SGCZ: variants seen among roughly 807,000 people sequenced by gnomAD.
The protein encoded by SGCZ is zeta-sarcoglycan.
In SGCZ, 40 loss-of-function variants were observed where a neutral mutation model predicts 41.3. That is an observed-to-expected ratio of 0.97 (90% CI 0.75 to 1.26). The LOEUF is 1.26. SGCZ is among the 50% of genes most tolerant of loss of function. The pLI, the probability that SGCZ is intolerant of heterozygous loss-of-function variation, is 0.00. For missense variants in SGCZ, 552 were observed against 369.8 expected, an observed-to-expected ratio of 1.49 and a Z score of -4.04; for synonymous variants, 206 against 137.5, an observed-to-expected ratio of 1.50 and a Z score of -3.49.
chr8:14,849,846 ACTCCAAGTACT>A (rs1803254164), intron 1 of SGCZ, among the ~76,000 whole-genome samples: 2 of 152,150 alleles, frequency 1.3e-5, no homozygotes, highest in African/African-American at 4.8e-5. Context: ...AAATTATAGC[ACTCCAAGTACT>A]ATCTACGATA....
At chr8:14,812,894 A>C (rs1476433063) in intron 1 of SGCZ, among the ~76,000 whole-genome samples, 1 of 151,760 alleles carries the variant, frequency 6.6e-6, no homozygotes, top group African/African-American at 2.4e-5. Context: ...TGCTGAGAAA[A>C]CTCTTCCTTT....
At chr8:14,346,188 C>G (rs1217455170) in intron 2 of SGCZ, among the ~76,000 whole-genome samples, 1 of 152,014 alleles carries the variant, frequency 6.6e-6, no homozygotes, top group East Asian at 1.9e-4. Context: ...ATAGGAGAAA[C>G]TGGGGTTGTG....
intron 1 of SGCZ, among the ~76,000 whole-genome samples, chr8:15,090,367 A>G (rs1806113629): frequency 6.6e-6 from 1 of 152,168 alleles, no homozygotes; most frequent in Admixed American, 6.5e-5. Context: ...TGAGCCTAAT[A>G]CCTATGCATT....
At chr8:14,674,965 G>A (rs752743838) in intron 1 of SGCZ, among the ~76,000 whole-genome samples, 1 of 79,004 alleles carries the variant, frequency 1.3e-5, no homozygotes, top group South Asian at 3.9e-4. Context: ...TTGAGATGGA[G>A]TCTCCCTCTG....
At chr8:15,136,139 G>T (rs773664900) in intron 1 of SGCZ, among the ~76,000 whole-genome samples, 2 of 151,884 alleles carry the variant, frequency 1.3e-5, no homozygotes, top group Non-Finnish European at 2.9e-5. Flanking sequence ...CCTCAATTTG[G>T]TCCAGGGTCC....
chr8:14,320,156 A>T (rs1020144575), intron 3 of SGCZ, among the ~76,000 whole-genome samples: 2 of 151,716 alleles, frequency 1.3e-5, no homozygotes, highest in Non-Finnish European at 2.9e-5. Context: ...TGTTTCTTTA[A>T]AACTTGACTA....
rs776216269 is a variant in SGCZ at position 14,404,961 on chromosome 8, G to A, written c.235-80757C>T. Among the ~76,000 whole-genome samples the A allele has an allele frequency of 5.4e-4, 82 of 152,172 alleles. 1 individual carries two copies. The highest frequency in any genetic ancestry group is 1.2e-4 in the Non-Finnish European group (8 of 68,028). On this transcript the variant is annotated intron_variant, in intron 2 of 7. Coordinates refer to ENST00000382080, the MANE Select transcript of SGCZ (RefSeq NM_139167.4). ...CCGGCAGTGGCTTTAAATCCTCCGGGTTGCAGATCTGGCCAGGTGGCCTGT... is the reference window on the plus strand; with the variant it reads ...CCGGCAGTGGCTTTAAATCCTCCGGATTGCAGATCTGGCCAGGTGGCCTGT...
intron 4 of SGCZ, among the ~76,000 whole-genome samples, chr8:14,217,802 T>C (rs1023973788): frequency 6.6e-6 from 1 of 151,628 alleles, no homozygotes; most frequent in Non-Finnish European, 1.5e-5. Context: ...GCTAATTTTT[T>C]GTATTTTTGG....
At chr8:14,219,425 C>T (rs1806111700) in intron 4 of SGCZ, among the ~76,000 whole-genome samples, 1 of 152,100 alleles carries the variant, frequency 6.6e-6, no homozygotes, top group South Asian at 2.1e-4. Flanking sequence ...AGACAATGCC[C>T]GACTGCACGT....
At chr8:14,260,329 A>T (rs1799612559) in intron 3 of SGCZ, among the ~76,000 whole-genome samples, 1 of 150,946 alleles carries the variant, frequency 6.6e-6, no homozygotes, top group African/African-American at 2.4e-5. Flanking sequence ...TTATGCAGCC[A>T]AAAAACACAT....
At chr8:14,444,560 G>A (rs1374219527) in intron 2 of SGCZ, among the ~76,000 whole-genome samples, 1 of 147,460 alleles carries the variant, frequency 6.8e-6, no homozygotes, top group Admixed American at 7.0e-5. Context: ...ACTATCGTAA[G>A]AACAAAAAAC....
intron 5 of SGCZ, among the ~76,000 whole-genome samples, chr8:14,149,179 T>A (rs1230948465): frequency 6.6e-6 from 1 of 152,110 alleles, no homozygotes; most frequent in African/African-American, 2.4e-5. Flanking sequence ...CTGGAAGTAC[T>A]AGCTAGAGCC....
chr8:14,133,202 A>T (rs1188061019), intron 5 of SGCZ, among the ~76,000 whole-genome samples: 1 of 152,198 alleles, frequency 6.6e-6, no homozygotes, highest in African/African-American at 2.4e-5. Flanking sequence ...GCATATGTGC[A>T]GCTTTCTCAA....
chr8:14,282,204 G>C (rs1800469573), intron 3 of SGCZ, among the ~76,000 whole-genome samples: 1 of 151,674 alleles, frequency 6.6e-6, no homozygotes, highest in Admixed American at 6.6e-5. Context: ...TGCCTTAATA[G>C]ACTAACCCTT....
intron 3 of SGCZ, among the ~76,000 whole-genome samples, chr8:14,282,795 C>T (rs977902757): frequency 6.6e-6 from 1 of 150,454 alleles, no homozygotes; most frequent in Admixed American, 6.6e-5. Context: ...CATTTCCTAC[C>T]TTTCAATATT....
Position 15,096,811 on chromosome 8 carries a change from G to A in SGCZ, c.39+140774C>T, listed in dbSNP as rs865850453. Among the ~76,000 whole-genome samples, 10 of 151,838 alleles carry A rather than the reference G, an allele frequency of 6.6e-5. 1 individual carries two copies. Among genetic ancestry groups the A allele is most frequent in the South Asian group, 4.2e-4 (2 of 4,816 alleles). On this transcript the variant is annotated intron_variant, in intron 1 of 7. Transcript: ENST00000382080. ...AGGGATTCCCCTGCCTCAGCCTCTC[G>A]AGTAGCTGGGACTACAGGCACATAC...
chr8:14,701,600 C>A (rs1405915780), intron 1 of SGCZ, among the ~76,000 whole-genome samples: 1 of 151,978 alleles, frequency 6.6e-6, no homozygotes, highest in East Asian at 1.9e-4. Flanking sequence ...TGTTTGTCAA[C>A]AAACTATCCT....
At chr8:15,122,359 A>G (rs1307112020) in intron 1 of SGCZ, among the ~76,000 whole-genome samples, 1 of 152,166 alleles carries the variant, frequency 6.6e-6, no homozygotes. Flanking sequence ...TGCAATTTTG[A>G]TAAGATTGCT....
chr8:14,568,093 A>G (rs1804434873), intron 1 of SGCZ, among the ~76,000 whole-genome samples: 1 of 152,180 alleles, frequency 6.6e-6, no homozygotes, highest in African/African-American at 2.4e-5. Context: ...AGGCACATGG[A>G]TGAAGCTGGA....
Sources: gnomAD v4.1 joint callset for allele counts (sites outside exome capture counted in the v4.1 genomes callset) on GRCh38, gnomAD v4.1.1 for gene constraint, MANE v1.5 for transcripts, NCBI Gene and HGNC (gene_info 2026-07-23, HGNC 2026-07-21) for gene names.